Variants in ENPP3 observed in about 807,000 individuals in gnomAD.
ENPP3 encodes the protein ectonucleotide pyrophosphatase/phosphodiesterase family member 3.
Under a neutral mutation model 117.8 loss-of-function variants are expected in ENPP3, and 104 were observed. The ratio of observed to expected loss-of-function variants is 0.88; its 90% CI spans 0.75 to 1.04. The LOEUF is 1.04. Ranked by LOEUF, ENPP3 falls within the 50% of genes least tolerant of loss-of-function variation. The pLI, the probability that ENPP3 is intolerant of heterozygous loss-of-function variation, is 0.00. For missense variants in ENPP3, 1,026 were observed against 1,051.9 expected, an observed-to-expected ratio of 0.98 and a Z score of 0.34; for synonymous variants, 380 against 349.9, an observed-to-expected ratio of 1.09 and a Z score of -0.96.
chr6:131,687,424 A>G lies in ENPP3; in HGVS notation c.1284+1517A>G, dbSNP rs140544755. ...CTATAAAAATCCTGGAAGGCAACCT[A>G]GGAAATACTCTTCTTGACATGGGTC... On this transcript the variant is annotated intron_variant, in intron 14 of 24. Transcript: ENST00000357639. Among the ~76,000 whole-genome samples the G allele has an allele frequency of 3.1e-3, 477 of 152,342 alleles. 3 individuals carry two copies. Among genetic ancestry groups the G allele is most frequent in the African/African-American group, 0.01 (436 of 41,582 alleles).
rs1203647740 is a variant in ENPP3, at chr6:131,679,081, CTTTCTTTT to C, written c.1011+1142_1011+1149del. ...TCTTTCTTTCTTTCTTTCTTTCTTT[CTTTCTTTT>C]CTTCTTTCTTTCTTTCCTTTTTTGA... On this transcript the variant is annotated intron_variant, in intron 11 of 24. Transcript: ENST00000357639. Among the ~76,000 whole-genome samples, 489 of 119,120 alleles carry C rather than the reference CTTTCTTTT, an allele frequency of 4.1e-3. 40 individuals carry two copies. Among genetic ancestry groups the C allele is most frequent in the Middle Eastern group, 0.02 (5 of 244 alleles). 78.1% of individuals were successfully genotyped at this position (119,120 alleles called of 152,430 possible).
intron 11 of ENPP3, among the ~76,000 whole-genome samples, chr6:131,678,350 G>A (rs1585655085): frequency 6.6e-6 from 1 of 152,214 alleles, no homozygotes; most frequent in East Asian, 1.9e-4. Flanking sequence ...TCAGTTATAA[G>A]TTCCTTATAA....
At chr6:131,661,163 C>T (rs1778491450) in intron 6 of ENPP3, among the ~76,000 whole-genome samples, 1 of 152,110 alleles carries the variant, frequency 6.6e-6, no homozygotes, top group Non-Finnish European at 1.5e-5. Flanking sequence ...CATCTTGGCT[C>T]TTATGAGTAG....
At chr6:131,654,150 G>A (rs908198718) in intron 5 of ENPP3, among the ~76,000 whole-genome samples, 4 of 139,568 alleles carry the variant, frequency 2.9e-5, no homozygotes, top group African/African-American at 8.7e-5. Flanking sequence ...TTATTATTAC[G>A]AGATAGGGTC....
intron 18 of ENPP3, among the ~76,000 whole-genome samples, chr6:131,723,002 G>A (rs1390673361): frequency 2.6e-5 from 4 of 152,192 alleles, no homozygotes; most frequent in Admixed American, 6.5e-5. Context: ...AGGGCAAGGA[G>A]TCATAACAGC....
At chr6:131,675,235 C>T (rs769245884) in intron 9 of ENPP3, 46 bp downstream of exon 9, 2 of 1,215,062 alleles carry the variant, frequency 1.6e-6, no homozygotes, top group Non-Finnish European at 2.4e-6. Context: ...CAGAAATGAT[C>T]AAGATGTTTT....
At chr6:131,677,341 C>T (rs1778891689) in intron 10 of ENPP3, among the ~76,000 whole-genome samples, 1 of 152,132 alleles carries the variant, frequency 6.6e-6, no homozygotes, top group Admixed American at 6.6e-5. Context: ...AGATCAGAGG[C>T]AAATATCACA....
intron 24 of ENPP3, among the ~76,000 whole-genome samples, chr6:131,741,747 A>C (rs1780532161): frequency 6.6e-6 from 1 of 152,162 alleles, no homozygotes; most frequent in Non-Finnish European, 1.5e-5. Flanking sequence ...TGGCAGGTAG[A>C]TAGGATAAGC....
Position 131,722,331 on chromosome 6 carries a change from A to G in ENPP3, c.1672A>G (p.Lys558Glu). ...YEPSHAEEVS[K>E]FSVCGFANPL... is the part of the protein sequence containing the mutation. ...GCCATCCCATGCAGAGGAGGTGTCA[A>G]AGTTTTCTGTTTGTGGCTTTGCTAA... The change falls in exon 18 of 25, where the codon AAG becomes GAG. Residue 558 changes from lysine (K) to glutamate (E), a missense_variant. Coordinates refer to ENST00000357639, the MANE Select transcript of ENPP3 (RefSeq NM_005021.5). 5.0e-6 allele frequency: 8 copies of G among 1,614,040 alleles called. No individual in the cohort carries two copies. Among genetic ancestry groups the G allele is most frequent in the Non-Finnish European group, 6.8e-6 (8 of 1,179,958 alleles).
Position 131,740,257 on chromosome 6 carries a change from A to C in ENPP3, c.2334A>C (p.Thr778=). ...CCAACACTGATGTTCCCATCCCAAC[A>C]CACTACTTTGTGGTGCTGACCAGTT... ...HLANTDVPIP[T]HYFVVLTSCK... is the part of the protein sequence containing the mutation. The change falls in exon 24 of 25, where the codon ACA becomes ACC. Residue 778 remains threonine (T), a synonymous_variant. Transcript: ENST00000357639. The C allele has an allele frequency of 1.2e-6, 2 of 1,609,766 alleles. No homozygotes were observed. Among genetic ancestry groups the C allele is most frequent in the Non-Finnish European group, 1.7e-6 (2 of 1,177,886 alleles).
chr6:131,718,731 G>A lies in ENPP3; in HGVS notation c.1472G>A (p.Ser491Asn), dbSNP rs140135936. 35 of 1,596,814 alleles carry A rather than the reference G, an allele frequency of 2.2e-5. No homozygotes were observed. The African/African-American group carries it at 3.9e-4, about 18-fold the overall frequency. The part of the protein sequence containing the change: ...GNHGYNNEFR[S>N]MEAIFLAHGP... The stretch of plus-strand genomic sequence containing the variant: ...CATGGTTATAACAATGAGTTTAGGA[G>A]CATGGAGGTAACTTACTGCTTTTTT... The change falls in exon 16 of 25, where the codon AGC becomes AAC. Residue 491 changes from serine (S) to asparagine (N), a missense_variant. By Grantham distance (46) the Ser-to-Asn change is conservative. Transcript: ENST00000357639.
intron 2 of ENPP3, among the ~76,000 whole-genome samples, chr6:131,648,367 T>C (rs1778192368): frequency 6.6e-6 from 1 of 152,032 alleles, no homozygotes; most frequent in African/African-American, 2.4e-5. Flanking sequence ...ATTTCTGTTT[T>C]GATAAGCACC....
intron 6 of ENPP3, among the ~76,000 whole-genome samples, chr6:131,660,349 A>G (rs1420025833): frequency 1.3e-5 from 2 of 152,362 alleles, no homozygotes; most frequent in South Asian, 4.1e-4. Flanking sequence ...CTGAGCCTAA[A>G]CAATATCACA....
At chr6:131,739,840 G>A (rs1442835815) in intron 23 of ENPP3, among the ~76,000 whole-genome samples, 1 of 151,618 alleles carries the variant, frequency 6.6e-6, no homozygotes, top group African/African-American at 2.4e-5. Flanking sequence ...AGAGGCCGAG[G>A]TGGGAGGATC....
chr6:131,668,046 T>A (rs1476131883), intron 6 of ENPP3, among the ~76,000 whole-genome samples: 1 of 152,102 alleles, frequency 6.6e-6, no homozygotes, highest in Non-Finnish European at 1.5e-5. Flanking sequence ...AAGTTACATA[T>A]AAAATGAAAG....
intron 23 of ENPP3, 143 bp from the exon 24 acceptor site, chr6:131,740,081 G>A: frequency 3.4e-6 from 2 of 594,348 alleles, no homozygotes; most frequent in Non-Finnish European, 5.3e-6. Context: ...AAAGTACCTA[G>A]CATATAGTAA....
chr6:131,734,180 A>T (rs3843996), intron 21 of ENPP3, among the ~76,000 whole-genome samples: 25,744 of 152,108 alleles, frequency 0.17, 3,334 homozygotes, highest in African/African-American at 0.33. Context: ...TAAAATAAAA[A>T]AAGAAATCAG....
intron 8 of ENPP3, 71 bp downstream of exon 8, chr6:131,674,352 C>G: frequency 6.8e-7 from 1 of 1,464,008 alleles, no homozygotes; most frequent in Non-Finnish European, 9.6e-7. Context: ...ACACTCTTCT[C>G]ACTCAGTGGA....
intron 12 of ENPP3, among the ~76,000 whole-genome samples, chr6:131,684,496 A>G (rs1425061832): frequency 6.6e-6 from 1 of 152,126 alleles, no homozygotes; most frequent in East Asian, 1.9e-4. Context: ...CCTGGCCAAT[A>G]TGGTGAAACC....
Sources: gnomAD v4.1 joint callset for allele counts (sites outside exome capture counted in the v4.1 genomes callset) on GRCh38, gnomAD v4.1.1 for gene constraint, MANE v1.5 for transcripts, NCBI Gene and HGNC (gene_info 2026-07-23, HGNC 2026-07-21) for gene names.